SLC22A17: variants seen among roughly 807,000 people sequenced by gnomAD.
SLC22A17 encodes the protein 24p3 receptor.
In SLC22A17, 38 loss-of-function variants were observed where a neutral mutation model predicts 53.6. The observed-to-expected ratio is 0.71, with a 90% CI of 0.55 to 0.93. The LOEUF is 0.93. Among genes scored for constraint, SLC22A17 ranks in the 40% least tolerant of loss-of-function variants. The probability of loss-of-function intolerance (pLI) is 0.00; values close to 1 mark genes in which losing one functional copy is unlikely to be tolerated. For synonymous variants in SLC22A17, 379 were observed against 353.0 expected (o/e 1.07, Z -0.82); for missense variants, 704 against 791.0 (o/e 0.89, Z 1.32).
Position 23,348,084 on chromosome 14 carries a change from G to A in SLC22A17, c.1171+77C>T, listed in dbSNP as rs148879369. Reference sequence around the variant, plus strand: ...GGTGGTGGGGACCCTGGGAGAAGGTGGCACAGCTACAGCCATGCAGAGGGC... The same window carrying A: ...GGTGGTGGGGACCCTGGGAGAAGGTAGCACAGCTACAGCCATGCAGAGGGC... On this transcript the variant is annotated intron_variant, in intron 6 of 9. Coordinates refer to ENST00000397267, the Ensembl canonical transcript of SLC22A17. The surrounding 1 kb of genome is among the most constrained non-coding windows in gnomAD (Gnocchi z 4.5). The A allele has an allele frequency of 4.0e-5, 65 of 1,607,470 alleles. 1 individual carries two copies. The African/African-American group carries it at 7.5e-4, about 18-fold the overall frequency.
At chr14:23,351,655 C>T (rs1861075221) in intron 3 of SLC22A17, 97 bp downstream of exon 3, 3 of 948,446 alleles carry the variant, frequency 3.2e-6, no homozygotes, top group South Asian at 1.5e-5. Flanking sequence ...CAGAGTCCAG[C>T]GAATCGTCTT....
At chr14:23,351,777 G>C (rs749146365) in exon 3 of SLC22A17, 1 of 1,613,774 alleles carries the variant, frequency 6.2e-7, no homozygotes, top group Admixed American at 1.7e-5. Context: ...CCCAGGAACA[G>C]GTAGCCGGAG....
At position 23,347,722 on chromosome 14, in the gene SLC22A17, G is replaced by A. The variant is rs768714612; in HGVS notation, c.1287C>T (p.Ala429=). Residue 429 remains alanine (A), a synonymous_variant, in exon 8 of 10, where the codon GCC becomes GCT. Coordinates refer to ENST00000397267, the Ensembl canonical transcript of SLC22A17. The surrounding 1 kb of genome is among the most constrained non-coding windows in gnomAD (Gnocchi z 5.1). ...GCTGGTAGCAGTGGCGAATGGCATG[G>A]GCAATGAAGCTGTGAGAAGGGGTGG... 2 of 1,613,642 alleles carry A rather than the reference G, an allele frequency of 1.2e-6. No homozygotes were observed. Among genetic ancestry groups the A allele is most frequent in the Non-Finnish European group, 1.7e-6 (2 of 1,179,816 alleles).
At position 23,347,750 on chromosome 14, in the gene SLC22A17, A is replaced by G. The variant is rs763585769; in HGVS notation, c.1278-19T>C. The G allele has an allele frequency of 1.2e-6, 2 of 1,612,196 alleles. No homozygotes were observed. Among genetic ancestry groups the G allele is most frequent in the Admixed American group, 3.3e-5 (2 of 59,978 alleles). ...AATGAAGCTGTGAGAAGGGGTGGGG[A>G]AGCAACGAACAGAGCCTGAATCCCC... On this transcript the variant is annotated intron_variant, in intron 7 of 9. Transcript: ENST00000397267. The surrounding 1 kb of genome is among the most constrained non-coding windows in gnomAD (Gnocchi z 5.1).
Position 23,346,670 on chromosome 14 carries a change from GC to G in SLC22A17, c.1927del (p.Ala643ProfsTer32). ...CGCTCAGAGGGCAGGGTTGGGGGTG[GC>G]AAGCAGCGGGACGTGGTCACAGCGG... On this transcript the variant is annotated frameshift_variant, in exon 10 of 10. Transcript: ENST00000397267. LOFTEE classifies it high-confidence loss of function. 1 of 1,509,760 alleles carries G rather than the reference GC, an allele frequency of 6.6e-7. No homozygotes were observed. Among genetic ancestry groups the G allele is most frequent in the Non-Finnish European group, 8.8e-7 (1 of 1,130,318 alleles). The allele number at this position is 1,509,760 out of a possible 1,614,324, so 93.5% of individuals were successfully genotyped here.
rs1889382221 is a variant in SLC22A17, at chr14:23,348,431, A to C, written c.1025+75T>G. 6.3e-7 allele frequency: 1 copy of C among 1,584,886 alleles called. No individual in the cohort carries two copies. Among genetic ancestry groups the C allele is most frequent in the African/African-American group, 1.3e-5 (1 of 74,596 alleles). ...GGACCAGGGGTAGTTGGAGAAGAGGAGGGGTCTCCGGGCTAGGGCTAGTTT... is the reference window on the plus strand; with the variant it reads ...GGACCAGGGGTAGTTGGAGAAGAGGCGGGGTCTCCGGGCTAGGGCTAGTTT... On this transcript the variant is annotated intron_variant, in intron 5 of 9. Coordinates refer to ENST00000397267, the Ensembl canonical transcript of SLC22A17. The surrounding 1 kb of genome is among the most constrained non-coding windows in gnomAD (Gnocchi z 4.5).
chr14:23,352,383 C>G lies in SLC22A17; in HGVS notation c.165G>C (p.Glu55Asp), dbSNP rs1459165236. The change falls in exon 2 of 10, where the codon GAG becomes GAC. Residue 55 changes from glutamate (E) to aspartate (D), a missense_variant. Coordinates refer to ENST00000397267, the Ensembl canonical transcript of SLC22A17. The surrounding 1 kb of genome is among the most constrained non-coding windows in gnomAD (Gnocchi z 7.2). ...CGTCGCCGCCCGCGTCTCCCTCCCC[C>G]TCCCGCTCGCGCTCCCGCTCACCCT... The G allele has an allele frequency of 4.4e-6, 3 of 677,892 alleles. No homozygotes were observed. Among genetic ancestry groups the G allele is most frequent in the South Asian group, 2.9e-5 (1 of 34,646 alleles). 42.0% of individuals were successfully genotyped at this position (677,892 alleles called of 1,614,324 possible). A position where few individuals can be genotyped will look rare whatever the true frequency, so the allele number is the denominator to read the frequency against.
intron 3 of SLC22A17, 46 bp from the exon 4 acceptor site, chr14:23,349,472 G>A (rs770911351): frequency 2.5e-6 from 4 of 1,579,062 alleles, no homozygotes; most frequent in Non-Finnish European, 3.4e-6. Flanking sequence ...CTCTGGTGGT[G>A]GGAAAGTTGC....
Position 23,346,773 on chromosome 14 carries a change from G to A in SLC22A17, c.1825C>T (p.Arg609Cys), listed in dbSNP as rs1421425523. ...CGGAGCACCTCGGGCAGGAGCTTGC[G>A]CTTGGTCTCCGGCAGCAGCATAATG... The change falls in exon 10 of 10, where the codon CGC (arginine) becomes TGC (cysteine). Residue 609 changes from arginine (R) to cysteine (C), a missense_variant. This residue lies in a region of SLC22A17 where 196 missense variants were observed against 171.5 expected (regional missense o/e 1.14). Coordinates refer to ENST00000397267, the Ensembl canonical transcript of SLC22A17. The A allele has an allele frequency of 8.4e-6, 13 of 1,543,714 alleles. No individual in the cohort carries two copies. The highest frequency in any genetic ancestry group is 3.9e-5 in the Admixed American group (2 of 51,392).
At position 23,352,026 on chromosome 14, in the gene SLC22A17, GGCGAA is replaced by G; in HGVS notation, c.517_521del (p.Phe173ProfsTer14). 1 of 1,609,888 alleles carries G rather than the reference GGCGAA, an allele frequency of 6.2e-7. No homozygotes were observed. The highest frequency in any genetic ancestry group is 8.5e-7 in the Non-Finnish European group (1 of 1,178,290). On this transcript the variant is annotated frameshift_variant, in exon 2 of 10. Coordinates refer to ENST00000397267, the Ensembl canonical transcript of SLC22A17. LOFTEE classifies it high-confidence loss of function. This position sits in a 1 kb window ranked among gnomAD's most constrained non-coding sequence, Gnocchi z 7.2. ...TGAGGCAATGGTTGAAGTCCGGCGG[GGCGAA>G]GCCGCTGCACGAGGGGTCGGTACTG...
In SLC22A17 at chr14:23,352,164, G is replaced by A. The variant is rs1259623765; in HGVS notation, c.384C>T (p.Tyr128=). The change falls in exon 2 of 10, where the codon TAC becomes TAT. Residue 128 remains tyrosine (Y), a synonymous_variant. Transcript: ENST00000397267. The surrounding 1 kb of genome is among the most constrained non-coding windows in gnomAD (Gnocchi z 7.2). ...CAGAGGCATTAGGGGGGAAGGCCCCGTAGTGGCAATGCAGCGGGGGCGCCA... is the reference window on the plus strand; with the variant it reads ...CAGAGGCATTAGGGGGGAAGGCCCCATAGTGGCAATGCAGCGGGGGCGCCA... 6 of 1,542,354 alleles carry A rather than the reference G, an allele frequency of 3.9e-6. No homozygotes were observed. The East Asian group carries it at 1.4e-4, about 36-fold the overall frequency.
intron 3 of SLC22A17, among the ~76,000 whole-genome samples, chr14:23,350,584 T>C (rs1056553953): frequency 6.6e-6 from 1 of 152,128 alleles, no homozygotes; most frequent in Non-Finnish European, 1.5e-5. Flanking sequence ...GAGATGAAGA[T>C]AGGGAGCCTC....
In SLC22A17 at chr14:23,348,475, T is replaced by C; in HGVS notation, c.1025+31A>G. ...CTAGTTTGGAGGCAGAGATGGGAAT[T>C]GCCAGACGACAGGTGAAGGGTAATA... On this transcript the variant is annotated intron_variant, in intron 5 of 9. Transcript: ENST00000397267. This position sits in a 1 kb window ranked among gnomAD's most constrained non-coding sequence, Gnocchi z 4.5. The C allele has an allele frequency of 6.2e-7, 1 of 1,603,894 alleles. No individual in the cohort carries two copies.
In SLC22A17 at chr14:23,348,645, T is replaced by G. The variant is rs1889408303; in HGVS notation, c.886A>C (p.Arg296=). The G allele has an allele frequency of 8.1e-6, 13 of 1,612,510 alleles. No homozygotes were observed. Among genetic ancestry groups the G allele is most frequent in the Non-Finnish European group, 1.1e-5 (13 of 1,179,394 alleles). The change falls in exon 5 of 10, where the codon AGG becomes CGG. Residue 296 remains arginine (R), a synonymous_variant. Transcript: ENST00000397267. This position sits in a 1 kb window ranked among gnomAD's most constrained non-coding sequence, Gnocchi z 4.5. ...TCCCCTGCCAGGGCCACCCGAAGCC[T>G]CTGGGTTGGGTCGCACAGCTCCAGG...
intron 3 of SLC22A17, 127 bp downstream of exon 3, chr14:23,351,625 T>C (rs761564723): frequency 4.3e-6 from 3 of 702,238 alleles, no homozygotes; most frequent in South Asian, 1.9e-5. Context: ...GACCATTGAA[T>C]AGAAGTCCAG....
chr14:23,350,632 G>A (rs1278376909), intron 3 of SLC22A17, among the ~76,000 whole-genome samples: 1 of 152,222 alleles, frequency 6.6e-6, no homozygotes, highest in African/African-American at 2.4e-5. Flanking sequence ...CTGGGAGTTA[G>A]GCTATTGATC....
Position 23,347,822 on chromosome 14 carries a change from G to C in SLC22A17, c.1277+69C>G. The C allele has an allele frequency of 1.2e-6, 2 of 1,612,258 alleles. No homozygotes were observed. The highest frequency in any genetic ancestry group is 2.2e-5 in the South Asian group (2 of 90,966). On this transcript the variant is annotated intron_variant, in intron 7 of 9. Transcript: ENST00000397267. The surrounding 1 kb of genome is among the most constrained non-coding windows in gnomAD (Gnocchi z 5.1). ...TGATGGTCCTCCGCAGGGGTCCCCG[G>C]GCCTTCCCACCCAGCCAGCCCCCAT... is the stretch of plus-strand genomic sequence containing the variant.
In SLC22A17 at chr14:23,348,317, G is replaced by A; in HGVS notation, c.1026-11C>T. On this transcript the variant is annotated splice_polypyrimidine_tract_variant and intron_variant, in intron 5 of 9. Transcript: ENST00000397267. The surrounding 1 kb of genome is among the most constrained non-coding windows in gnomAD (Gnocchi z 4.5). ...AACAAACCAGGCCAGCTGGGGGCAG[G>A]GGGGAAGGGGTATACTGTGAGGCCT... 1.2e-6 allele frequency: 2 copies of A among 1,613,816 alleles called. No homozygotes were observed. Among genetic ancestry groups the A allele is most frequent in the South Asian group, 1.1e-5 (1 of 91,046 alleles).
Position 23,352,756 on chromosome 14 carries a change from G to T in SLC22A17, c.-15C>A, listed in dbSNP as rs890058230. On this transcript the variant is annotated 5_prime_UTR_variant, in exon 1 of 10. Transcript: ENST00000397267. The surrounding 1 kb of genome is among the most constrained non-coding windows in gnomAD (Gnocchi z 7.2). ...CGGGGAGCCAGCTTGCCGACCGCAG[G>T]GGCCCTGCCGGCCCGCGCCGAAAGG... The T allele has an allele frequency of 2.2e-4, 87 of 398,954 alleles. No individual in the cohort carries two copies. Among genetic ancestry groups the T allele is most frequent in the African/African-American group, 1.7e-3 (81 of 48,408 alleles). The allele number at this position is 398,954 out of a possible 1,614,324, so 24.7% of individuals were successfully genotyped here. A position where few individuals can be genotyped will look rare whatever the true frequency, so the allele number is the denominator to read the frequency against.
Sources: allele counts gnomAD v4.1 joint callset (sites outside exome capture counted in the v4.1 genomes callset), GRCh38; gene constraint gnomAD v4.1.1; regional missense constraint gnomAD v4.1.1; non-coding constraint Gnocchi (gnomAD v3.1); transcripts MANE v1.5; gene names NCBI Gene and HGNC (gene_info 2026-07-23, HGNC 2026-07-21).